The following SOX6 variants were observed in gnomAD, a reference collection of about 807,000 sequenced individuals.
The protein encoded by SOX6 is SRY-box transcription factor 6.
SOX6 carries 11 observed loss-of-function variants against 97.8 expected under a neutral mutation model. The observed-to-expected ratio is 0.11, with a 90% CI of 0.07 to 0.19. The LOEUF (loss-of-function observed/expected upper bound fraction) is 0.19. Among genes scored for constraint, SOX6 ranks in the 10% least tolerant of loss-of-function variants. SOX6 has a pLI of 1.00. For synonymous variants in SOX6, 360 were observed against 371.4 expected (o/e 0.97, Z 0.35); for missense variants, 810 against 1,039.5 (o/e 0.78, Z 3.04).
intron 2 of SOX6, among the ~76,000 whole-genome samples, chr11:16,731,076 T>C (rs1848345922): frequency 6.6e-6 from 1 of 152,116 alleles, no homozygotes. Context: ...AATAGATCAA[T>C]AACAAGTTCT....
At chr11:16,005,437 G>A (rs1018104308) in intron 13 of SOX6, among the ~76,000 whole-genome samples, 1 of 151,812 alleles carries the variant, frequency 6.6e-6, no homozygotes, top group African/African-American at 2.4e-5. Context: ...CCTACAGATA[G>A]GCTTTTTTAT....
chr11:16,166,779 G>C (rs1176203466), intron 6 of SOX6, among the ~76,000 whole-genome samples: 1 of 152,104 alleles, frequency 6.6e-6, no homozygotes, highest in African/African-American at 2.4e-5. Context: ...AAAAGACAAA[G>C]ATAAATGTGA....
At chr11:16,535,483 G>A (rs115765035) in intron 4 of SOX6, among the ~76,000 whole-genome samples, 1 of 151,998 alleles carries the variant, frequency 6.6e-6, no homozygotes, top group Non-Finnish European at 1.5e-5. Context: ...ACCAGCCTAG[G>A]CAACATGGCA....
chr11:15,987,676 C>A (rs1590110889), intron 14 of SOX6, among the ~76,000 whole-genome samples: 1 of 148,762 alleles, frequency 6.7e-6, no homozygotes, highest in Non-Finnish European at 1.5e-5. Context: ...ACTGTAAGGC[C>A]AGAGAAGCAC....
chr11:16,574,337 T>C (rs1397854144), intron 4 of SOX6, among the ~76,000 whole-genome samples: 1 of 152,018 alleles, frequency 6.6e-6, no homozygotes, highest in African/African-American at 2.4e-5. Flanking sequence ...GAAACCCATG[T>C]TTATATAGGC....
chr11:16,631,126 G>T (rs1590021355), intron 3 of SOX6, among the ~76,000 whole-genome samples: 1 of 151,982 alleles, frequency 6.6e-6, no homozygotes, highest in African/African-American at 2.4e-5. Flanking sequence ...CCTATCATAA[G>T]GTTGTTACTT....
intron 3 of SOX6, among the ~76,000 whole-genome samples, chr11:16,309,348 G>C (rs1308573891): frequency 7.9e-5 from 12 of 152,250 alleles, no homozygotes; most frequent in Admixed American, 2.0e-4. Flanking sequence ...ACACAAAAGA[G>C]AAAATGAATG....
rs1847895145 is a variant in SOX6, at chr11:16,059,486, T to C, written c.1102-3585A>G. ...GTTTGAATGTAATTTCCAGCATTTCTATCATTCAGATGGACAAATAAAAAA... is the reference window on the plus strand; with the variant it reads ...GTTTGAATGTAATTTCCAGCATTTCCATCATTCAGATGGACAAATAAAAAA... On this transcript the variant is annotated intron_variant, in intron 9 of 15. Transcript: ENST00000683767. Among the ~76,000 whole-genome samples, 3 of 152,084 alleles carry C rather than the reference T, an allele frequency of 2.0e-5. No homozygotes were observed. In the South Asian group the frequency reaches 6.2e-4, roughly 32 times the overall value.
chr11:16,466,704 G>A (rs1359406580), intron 1 of SOX6, among the ~76,000 whole-genome samples: 1 of 150,808 alleles, frequency 6.6e-6, no homozygotes, highest in African/African-American at 2.4e-5. Context: ...GCCGAGGCAG[G>A]CGGATCACGA....
At chr11:16,151,900 C>T (rs1193195287) in intron 6 of SOX6, among the ~76,000 whole-genome samples, 1 of 152,082 alleles carries the variant, frequency 6.6e-6, no homozygotes, top group Non-Finnish European at 1.5e-5. Flanking sequence ...TCAAGCAATG[C>T]CTTAATTTTG....
chr11:16,608,596 G>C (rs767520677), intron 4 of SOX6, among the ~76,000 whole-genome samples: 1 of 150,256 alleles, frequency 6.7e-6, no homozygotes, highest in Admixed American at 6.6e-5. Flanking sequence ...AGGAGGAGGC[G>C]TTGAAAAAAA....
At chr11:16,600,686 AGTTT>A (rs1174574851) in intron 4 of SOX6, among the ~76,000 whole-genome samples, 1 of 152,248 alleles carries the variant, frequency 6.6e-6, no homozygotes, top group Non-Finnish European at 1.5e-5. Context: ...AACTATTTCC[AGTTT>A]GTTTAAATGT....
At chr11:16,084,904 G>A (rs1284152149) in intron 9 of SOX6, among the ~76,000 whole-genome samples, 1 of 152,170 alleles carries the variant, frequency 6.6e-6, no homozygotes, top group African/African-American at 2.4e-5. Flanking sequence ...ATAGGTGAAT[G>A]ATAGATGACT....
chr11:16,127,308 T>C (rs1456576937), intron 6 of SOX6, among the ~76,000 whole-genome samples: 2 of 152,072 alleles, frequency 1.3e-5, no homozygotes. Context: ...TTTGTTGTTT[T>C]TGCACTCAAA....
At chr11:16,489,600 G>C (rs1001854837) in intron 4 of SOX6, among the ~76,000 whole-genome samples, 1 of 151,956 alleles carries the variant, frequency 6.6e-6, no homozygotes, top group African/African-American at 2.4e-5. Flanking sequence ...CTTTTTCCTT[G>C]ATAAATAACT....
intron 4 of SOX6, among the ~76,000 whole-genome samples, chr11:16,198,595 C>A (rs994070939): frequency 6.6e-6 from 1 of 151,950 alleles, no homozygotes; most frequent in African/African-American, 2.4e-5. Flanking sequence ...GAATATAATA[C>A]CACAACTGGT....
At chr11:16,047,114 C>A (rs1412994870) in intron 11 of SOX6, among the ~76,000 whole-genome samples, 1 of 152,032 alleles carries the variant, frequency 6.6e-6, no homozygotes, top group South Asian at 2.1e-4. Flanking sequence ...CCAGGCTACC[C>A]ATTATAGTTG....
At chr11:16,530,857 C>T (rs12795502) in intron 4 of SOX6, among the ~76,000 whole-genome samples, 57,775 of 150,818 alleles carry the variant, frequency 0.38, 12,244 homozygotes, top group Non-Finnish European at 0.46. Context: ...TAAGGTGCTT[C>T]GTTGTAAGCC....
intron 4 of SOX6, among the ~76,000 whole-genome samples, chr11:16,593,642 G>A (rs1431571556): frequency 6.6e-6 from 1 of 152,048 alleles, no homozygotes; most frequent in Admixed American, 6.6e-5. Flanking sequence ...TTTTTGTACT[G>A]TAATCAGACT....
Sources: allele counts gnomAD v4.1 joint callset (sites outside exome capture counted in the v4.1 genomes callset), GRCh38; gene constraint gnomAD v4.1.1; transcripts MANE v1.5; gene names NCBI Gene and HGNC (gene_info 2026-07-23, HGNC 2026-07-21).